The following TEAD4 variants were observed in gnomAD, a reference collection of about 807,000 sequenced individuals.
TEAD4 encodes the protein TEA domain transcription factor 4, also known as transcriptional enhancer factor TEF-3.
TEAD4 carries 36 observed loss-of-function variants against 52.4 expected under a neutral mutation model. That is an observed-to-expected ratio of 0.69 (90% CI 0.53 to 0.91). The LOEUF is 0.91. Among genes scored for constraint, TEAD4 ranks in the 40% least tolerant of loss-of-function variants. The pLI, the probability that TEAD4 is intolerant of heterozygous loss-of-function variation, is 0.00. For missense variants in TEAD4, 508 were observed against 583.9 expected (o/e 0.87, Z 1.34); for synonymous variants, 220 against 231.0 (o/e 0.95, Z 0.43).
chr12:3,005,787 C>A (rs1200581691), intron 3 of TEAD4, among the ~76,000 whole-genome samples: 1 of 152,168 alleles, frequency 6.6e-6, no homozygotes, highest in Non-Finnish European at 1.5e-5. Flanking sequence ...GCGTGAGCCA[C>A]CGCACCCAGA....
At chr12:2,961,265 A>G (rs755638357) in intron 2 of TEAD4, among the ~76,000 whole-genome samples, 2 of 152,144 alleles carry the variant, frequency 1.3e-5, no homozygotes, top group Non-Finnish European at 2.9e-5. Context: ...AACCCAGTAG[A>G]AGAATCCCTC....
rs1350931012 is a variant in TEAD4 at position 2,962,346 on chromosome 12, A to ATATTT, written c.-30+2307_-30+2308insATTTT. On this transcript the variant is annotated intron_variant, in intron 2 of 12. Coordinates refer to ENST00000359864, the MANE Select transcript of TEAD4 (RefSeq NM_003213.4). ...TATATAAATATAAATATATATATAT[A>ATATTT]TTTTTTGAGATGGAGTTTCGCTCTT... Among the ~76,000 whole-genome samples, 181 of 128,054 alleles carry ATATTT rather than the reference A, an allele frequency of 1.4e-3. 4 individuals carry two copies. The highest frequency in any genetic ancestry group is 5.0e-3 in the African/African-American group (166 of 33,144). The allele number at this position is 128,054 out of a possible 152,430, so 84.0% of individuals were successfully genotyped here. A position where few individuals can be genotyped will look rare whatever the true frequency, so the allele number is the denominator to read the frequency against.
chr12:2,962,344 A>AAAT (rs2098216448), intron 2 of TEAD4, among the ~76,000 whole-genome samples: 2 of 118,898 alleles, frequency 1.7e-5, no homozygotes, highest in African/African-American at 3.3e-5. Context: ...ATATATATAT[A>AAAT]TATTTTTTGA....
At chr12:3,008,534 G>A (rs115894193) in intron 3 of TEAD4, among the ~76,000 whole-genome samples, 5,312 of 152,274 alleles carry the variant, frequency 0.035, 208 homozygotes, top group African/African-American at 0.098. Context: ...TGCAGCTGCT[G>A]TGTTGAGCAT....
At position 2,992,851 on chromosome 12, in the gene TEAD4, A is replaced by T. The variant is rs2098244269; in HGVS notation, c.-29-1887A>T. 2.0e-5 allele frequency among the ~76,000 whole-genome samples: 3 copies of T among 152,084 alleles called. No individual in the cohort carries two copies. In the South Asian group the frequency reaches 6.2e-4, roughly 32 times the overall value. On this transcript the variant is annotated intron_variant, in intron 2 of 12. Transcript: ENST00000359864. ...GATTACTGGTATGTCCTGCTCCTTC[A>T]CAAACCCCTGAGAACTATGTTTGGA...
intron 2 of TEAD4, among the ~76,000 whole-genome samples, chr12:2,962,706 G>A (rs1039201419): frequency 4.6e-5 from 7 of 152,124 alleles, no homozygotes; most frequent in African/African-American, 1.7e-4. Context: ...CTGACCTCAG[G>A]TGATCCGCCT....
chr12:3,018,358 TGAGAG>T (rs2098266079), intron 6 of TEAD4, among the ~76,000 whole-genome samples, 182 bp from the exon 7 acceptor site: 1 of 152,122 alleles, frequency 6.6e-6, no homozygotes, highest in African/African-American at 2.4e-5. Context: ...CCACAGGGCC[TGAGAG>T]CCCCCTGAAA....
At chr12:2,977,958 GGCCCGGCCCA>G (rs1199159653) in intron 2 of TEAD4, among the ~76,000 whole-genome samples, 1 of 152,182 alleles carries the variant, frequency 6.6e-6, no homozygotes, top group East Asian at 1.9e-4. Context: ...TACACAGCCT[GGCCCGGCCCA>G]GCCCAACCAA....
At chr12:3,010,455 G>A (rs1006453870) in intron 3 of TEAD4, among the ~76,000 whole-genome samples, 4 of 152,210 alleles carry the variant, frequency 2.6e-5, no homozygotes, top group Non-Finnish European at 5.9e-5. Flanking sequence ...CTTTATGAGC[G>A]GACGGGCTCA....
intron 2 of TEAD4, among the ~76,000 whole-genome samples, chr12:2,989,556 A>T (rs1257393120): frequency 6.6e-6 from 1 of 152,132 alleles, no homozygotes; most frequent in Non-Finnish European, 1.5e-5. Flanking sequence ...CTCATGCCTC[A>T]GCCTCCCAAG....
rs2098274330 is a variant in TEAD4, at chr12:3,029,701, T to C, written c.897+7684T>C. On this transcript the variant is annotated intron_variant, in intron 10 of 12. Transcript: ENST00000359864. The stretch of plus-strand genomic sequence containing the variant: ...TGGCCCCTTTTCACATTCCTAGTAG[T>C]GTCCTTTGATGCACAAACGTTTCTA... Among the ~76,000 whole-genome samples, 8 of 152,246 alleles carry C rather than the reference T, an allele frequency of 5.3e-5. No homozygotes were observed. In the South Asian group the frequency reaches 1.5e-3, roughly 28 times the overall value.
chr12:3,034,914 T>C (rs1314716450), intron 10 of TEAD4, among the ~76,000 whole-genome samples: 1 of 150,486 alleles, frequency 6.6e-6, no homozygotes, highest in Non-Finnish European at 1.5e-5. Flanking sequence ...GCCGATATGG[T>C]GAAACCCCAC....
chr12:3,025,571 C>G (rs1010345550), intron 10 of TEAD4, among the ~76,000 whole-genome samples: 1 of 151,284 alleles, frequency 6.6e-6, no homozygotes, highest in East Asian at 1.9e-4. Flanking sequence ...GAGTTTCGCT[C>G]TGTTGCCTAG....
At chr12:3,012,802 G>A (rs926695565) in intron 5 of TEAD4, among the ~76,000 whole-genome samples, 1 of 152,174 alleles carries the variant, frequency 6.6e-6, no homozygotes, top group Non-Finnish European at 1.5e-5. Context: ...CAGGAGTCAG[G>A]CCTCTGGGAC....
At chr12:2,988,910 A>T (rs2098240873) in intron 2 of TEAD4, among the ~76,000 whole-genome samples, 2 of 152,102 alleles carry the variant, frequency 1.3e-5, no homozygotes. Flanking sequence ...AAGCTTCTCG[A>T]ACCGTCCCAC....
intron 2 of TEAD4, among the ~76,000 whole-genome samples, chr12:2,984,227 A>T (rs1033654443): frequency 6.6e-6 from 1 of 152,164 alleles, no homozygotes; most frequent in Non-Finnish European, 1.5e-5. Context: ...GCGCTAGAAA[A>T]TCCCATCATG....
chr12:2,979,875 G>A (rs902651800), intron 2 of TEAD4, among the ~76,000 whole-genome samples: 73 of 152,268 alleles, frequency 4.8e-4, no homozygotes, highest in African/African-American at 1.7e-3. Context: ...TATAGTACAT[G>A]CCCAGTGAAC....
chr12:3,010,710 C>T (rs896996479), intron 3 of TEAD4, among the ~76,000 whole-genome samples: 3 of 152,134 alleles, frequency 2.0e-5, no homozygotes, highest in African/African-American at 7.2e-5. Flanking sequence ...AGGAACGGTA[C>T]CGGGGGTCAA....
chr12:3,036,659 C>T (rs1156326550), intron 10 of TEAD4, among the ~76,000 whole-genome samples: 1 of 152,172 alleles, frequency 6.6e-6, no homozygotes, highest in East Asian at 1.9e-4. Flanking sequence ...GGAGCGGCCT[C>T]CCCTGAGAAT....
Sources: gnomAD v4.1 joint callset for allele counts (sites outside exome capture counted in the v4.1 genomes callset) on GRCh38, gnomAD v4.1.1 for gene constraint, MANE v1.5 for transcripts, NCBI Gene and HGNC (gene_info 2026-07-23, HGNC 2026-07-21) for gene names.